TMEM225B: variants seen among roughly 807,000 people sequenced by gnomAD.
TMEM225B encodes transmembrane protein 225-like.
TMEM225B carries 10 observed loss-of-function variants against 16.9 expected under a neutral mutation model. That is an observed-to-expected ratio of 0.59 (90% CI 0.36 to 1.00). The LOEUF (loss-of-function observed/expected upper bound fraction) is 1.00. TMEM225B is among the 50% of genes least tolerant of loss of function. The pLI is 0.01. For missense variants in TMEM225B, 217 were observed against 267.0 expected, an observed-to-expected ratio of 0.81 and a Z score of 1.30; for synonymous variants, 92 against 109.8, an observed-to-expected ratio of 0.84 and a Z score of 1.01.
Position 99,610,668 on chromosome 7 carries a change from G to C in TMEM225B, c.*103G>C. ...CTCTGCCAGTATCTGTGCCTTTGAGGAGCTTCTTGCGTGTCAGATCAACTC... is the reference window on the plus strand; with the variant it reads ...CTCTGCCAGTATCTGTGCCTTTGAGCAGCTTCTTGCGTGTCAGATCAACTC... On this transcript the variant is annotated 3_prime_UTR_variant, in exon 6 of 6. Transcript: ENST00000431679. The C allele has an allele frequency of 2.0e-6, 2 of 979,724 alleles. No homozygotes were observed. Among genetic ancestry groups the C allele is most frequent in the South Asian group, 3.5e-5 (2 of 57,400 alleles). 60.7% of individuals were successfully genotyped at this position (979,724 alleles called of 1,614,324 possible). A position where few individuals can be genotyped will look rare whatever the true frequency, so the allele number is the denominator to read the frequency against.
intron 2 of TMEM225B, 35 bp from the exon 3 acceptor site, chr7:99,604,351 T>C: frequency 6.8e-7 from 1 of 1,473,816 alleles, no homozygotes; most frequent in South Asian, 1.2e-5. Flanking sequence ...TTTGGGTCGG[T>C]GTCCCACCTC....
chr7:99,607,772 A>G lies in TMEM225B; in HGVS notation c.455A>G (p.Tyr152Cys), dbSNP rs1378288097. ...CAGTTCTCCGTGCTGTGGCCTTACT[A>G]CGTGCTGGGCTTCGGCATCTTTCTG... Reference protein sequence around the residue: ...PLQFSVLWPYYVLGFGIFLFI... With the variant: ...PLQFSVLWPYCVLGFGIFLFI... The change falls in exon 5 of 6, where the codon TAC becomes TGC. Residue 152 changes from tyrosine (Y) to cysteine (C), a missense_variant. Transcript: ENST00000431679. 1 of 1,536,052 alleles carries G rather than the reference A, an allele frequency of 6.5e-7. No individual in the cohort carries two copies. Among genetic ancestry groups the G allele is most frequent in the Non-Finnish European group, 8.7e-7 (1 of 1,146,874 alleles).
At position 99,610,794 on chromosome 7, in the gene TMEM225B, G is replaced by T; in HGVS notation, c.*229G>T. The T allele has an allele frequency of 2.4e-6, 1 of 414,530 alleles. No homozygotes were observed. Among genetic ancestry groups the T allele is most frequent in the Non-Finnish European group, 4.4e-6 (1 of 229,852 alleles). The allele number at this position is 414,530 out of a possible 1,614,324, so 25.7% of individuals were successfully genotyped here. A position where few individuals can be genotyped will look rare whatever the true frequency, so the allele number is the denominator to read the frequency against. ...AGCTTCCTAAGTGACGTTTTTGCAG[G>T]TATTTTCAATAAAAAGAAGGGCTAC... On this transcript the variant is annotated 3_prime_UTR_variant, in exon 6 of 6. Transcript: ENST00000431679.
chr7:99,610,502 T>A lies in TMEM225B; in HGVS notation c.603T>A (p.Ser201Arg). The A allele has an allele frequency of 1.3e-6, 2 of 1,535,888 alleles. No homozygotes were observed. The highest frequency in any genetic ancestry group is 1.7e-6 in the Non-Finnish European group (2 of 1,146,862). The stretch of plus-strand genomic sequence containing the variant: ...GCCTGTACCTGGACAATCTGGAGAG[T>A]TTGGGAGGAGAACCGAGCTCAGTAC... ...HGSLYLDNLE[S>R]LGGEPSSVQK... Residue 201 changes from serine to arginine, a missense_variant, in exon 6 of 6, where the codon AGT (serine) becomes AGA (arginine). Coordinates refer to ENST00000431679, the MANE Select transcript of TMEM225B (RefSeq NM_001195541.3).
intron 2 of TMEM225B, among the ~76,000 whole-genome samples, chr7:99,601,670 C>G (rs1805371739): frequency 6.6e-6 from 1 of 152,236 alleles, no homozygotes; most frequent in African/African-American, 2.4e-5. Flanking sequence ...TCAAGTCACT[C>G]TGACAGCATC....
intron 1 of TMEM225B, 31 bp from the exon 2 acceptor site, chr7:99,600,174 A>G (rs1311258289): frequency 7.1e-6 from 5 of 702,848 alleles, no homozygotes; most frequent in East Asian, 2.7e-5. Context: ...GCACTGCATC[A>G]CATGATGTGT....
chr7:99,601,683 A>C (rs1454950795), intron 2 of TMEM225B, among the ~76,000 whole-genome samples: 1 of 152,260 alleles, frequency 6.6e-6, no homozygotes, highest in African/African-American at 2.4e-5. Flanking sequence ...ACAGCATCGA[A>C]GATGAACATG....
At chr7:99,607,293 C>T (rs1263308096) in intron 4 of TMEM225B, among the ~76,000 whole-genome samples, 5 of 152,128 alleles carry the variant, frequency 3.3e-5, no homozygotes, top group African/African-American at 4.8e-5. Context: ...TGCACCTGGC[C>T]CCTTTTGACA....
rs189182071 is a variant in TMEM225B at position 99,605,217 on chromosome 7, C to T, written c.208+621C>T. Among the ~76,000 whole-genome samples, 233 of 152,258 alleles carry T rather than the reference C, an allele frequency of 1.5e-3. 1 individual carries two copies. The highest frequency in any genetic ancestry group is 2.1e-3 in the Non-Finnish European group (146 of 68,022). On this transcript the variant is annotated intron_variant, in intron 3 of 5. Transcript: ENST00000431679. ...GCCAGCAGTCAGAGAACAAATCACC[C>T]TGTTATCAGACTCTGGCTCTGCTAA...
At position 99,604,427 on chromosome 7, in the gene TMEM225B, C is replaced by A; in HGVS notation, c.39C>A (p.Ser13=). 1 of 1,536,082 alleles carries A rather than the reference C, an allele frequency of 6.5e-7. No homozygotes were observed. The highest frequency in any genetic ancestry group is 8.7e-7 in the Non-Finnish European group (1 of 1,146,882). ...AGGACAAGGACATGAAGGGATTCTC[C>A]TGGGCCATAGTCCCAGCCTTAACCT... ...TLEDKDMKGF[S]WAIVPALTSL... Residue 13 remains serine (S), a synonymous_variant, in exon 3 of 6, where the codon TCC becomes TCA. Transcript: ENST00000431679.
chr7:99,610,038 C>T (rs1469128432), intron 5 of TMEM225B, among the ~76,000 whole-genome samples: 1 of 152,202 alleles, frequency 6.6e-6, no homozygotes, highest in Non-Finnish European at 1.5e-5. Flanking sequence ...ACGTCCATCC[C>T]TCGTTTGTTC....
At chr7:99,608,135 A>G (rs1318246395) in intron 5 of TMEM225B, among the ~76,000 whole-genome samples, 1 of 152,128 alleles carries the variant, frequency 6.6e-6, no homozygotes, top group Non-Finnish European at 1.5e-5. Flanking sequence ...CATGTCTGCA[A>G]TCCCAGCTAC....
intron 3 of TMEM225B, chr7:99,605,480 C>T (rs548943860): frequency 6.9e-6 from 1 of 144,186 alleles, no homozygotes; most frequent in African/African-American, 2.6e-5. Context: ...GCTTTGTCAC[C>T]CAGGCTGGTG....
chr7:99,610,298 G>A, intron 5 of TMEM225B, 95 bp from the exon 6 acceptor site: 1 of 843,748 alleles, frequency 1.2e-6, no homozygotes, highest in Non-Finnish European at 1.8e-6. Context: ...GGGGCAGAAT[G>A]AGGGAGGGCA....
In TMEM225B at chr7:99,608,858, T is replaced by TATATATATATATATATATATACACAC. The variant is rs536627768; in HGVS notation, c.493+1049_493+1050insTATATATATATATATATATACACACA. 1.3e-3 allele frequency among the ~76,000 whole-genome samples: 193 copies of TATATATATATATATATATATACACAC among 144,372 alleles called. 2 individuals carry two copies. Among genetic ancestry groups the TATATATATATATATATATATACACAC allele is most frequent in the African/African-American group, 5.2e-3 (184 of 35,602 alleles). 94.7% of individuals were successfully genotyped at this position (144,372 alleles called of 152,430 possible). On this transcript the variant is annotated intron_variant, in intron 5 of 5. Transcript: ENST00000431679. ...GTGCACGTATATATATATATATATA[T>TATATATATATATATATATATACACAC]ACACACACACATATATGTGTATATA...
chr7:99,600,332 C>A (rs1192071382), intron 2 of TMEM225B, 47 bp downstream of exon 2: 1 of 702,100 alleles, frequency 1.4e-6, no homozygotes, highest in Admixed American at 2.0e-5. Flanking sequence ...GGGAGGGCTG[C>A]GTGGAGTGGA....
At chr7:99,603,372 G>A (rs1805515970) in intron 2 of TMEM225B, among the ~76,000 whole-genome samples, 2 of 152,282 alleles carry the variant, frequency 1.3e-5, no homozygotes, top group African/African-American at 2.4e-5. Flanking sequence ...TGTCCTGATG[G>A]CCAGTAGAGG....
At chr7:99,609,460 A>G (rs1806150309) in intron 5 of TMEM225B, among the ~76,000 whole-genome samples, 1 of 152,058 alleles carries the variant, frequency 6.6e-6, no homozygotes, top group African/African-American at 2.4e-5. Flanking sequence ...TGTTCCCGAG[A>G]TGGAGTCTTG....
In TMEM225B at chr7:99,610,698, C is replaced by A; in HGVS notation, c.*133C>A. 2 of 656,446 alleles carry A rather than the reference C, an allele frequency of 3.0e-6. No individual in the cohort carries two copies. The highest frequency in any genetic ancestry group is 5.0e-6 in the Non-Finnish European group (2 of 396,728). The allele number at this position is 656,446 out of a possible 1,614,324, so 40.7% of individuals were successfully genotyped here. A position where few individuals can be genotyped will look rare whatever the true frequency, so the allele number is the denominator to read the frequency against. ...TCTTGCGTGTCAGATCAACTCTCCA[C>A]CTCCCCATACTCACAGTGATTCTAT... On this transcript the variant is annotated 3_prime_UTR_variant, in exon 6 of 6. Transcript: ENST00000431679.
Sources: allele counts gnomAD v4.1 joint callset (sites outside exome capture counted in the v4.1 genomes callset), GRCh38; gene constraint gnomAD v4.1.1; transcripts MANE v1.5; gene names NCBI Gene and HGNC (gene_info 2026-07-23, HGNC 2026-07-21).